The following CNTNAP2 variants were observed in gnomAD, a reference collection of about 807,000 sequenced individuals.
CNTNAP2 encodes contactin associated protein 2.
A neutral mutation model predicts 155.2 loss-of-function variants in CNTNAP2; 98 were observed. The observed-to-expected ratio is 0.63, with a 90% CI of 0.54 to 0.75. The LOEUF (loss-of-function observed/expected upper bound fraction) is 0.75. Ranked by LOEUF, CNTNAP2 falls within the 30% of genes least tolerant of loss-of-function variation. The pLI, the probability that CNTNAP2 is intolerant of heterozygous loss-of-function variation, is 0.00. For missense variants in CNTNAP2, 1,727 were observed against 1,688.1 expected (o/e 1.02, Z -0.40); for synonymous variants, 651 against 631.2 (o/e 1.03, Z -0.47).
chr7:147,976,100 A>G (rs1421960265), intron 14 of CNTNAP2, among the ~76,000 whole-genome samples: 1 of 152,146 alleles, frequency 6.6e-6, no homozygotes, highest in Non-Finnish European at 1.5e-5. Context: ...ATATTTTTTC[A>G]TCTTTTTTAA....
At chr7:147,319,122 A>T (rs1298625802) in intron 9 of CNTNAP2, among the ~76,000 whole-genome samples, 1 of 152,078 alleles carries the variant, frequency 6.6e-6, no homozygotes, top group African/African-American at 2.4e-5. Context: ...CTTTTTTGTC[A>T]TTGGTGAGTG....
intron 8 of CNTNAP2, among the ~76,000 whole-genome samples, chr7:147,282,106 C>T (rs535967027): frequency 6.6e-6 from 1 of 151,862 alleles, no homozygotes; most frequent in Admixed American, 6.6e-5. Flanking sequence ...AAATTCTGTG[C>T]CTTCTTAGTC....
intron 1 of CNTNAP2, among the ~76,000 whole-genome samples, chr7:146,412,896 A>T (rs1181942168): frequency 2.6e-5 from 4 of 152,140 alleles, no homozygotes; most frequent in Non-Finnish European, 5.9e-5. Context: ...CTTCCCTTTT[A>T]TCTGTGCCTC....
intron 13 of CNTNAP2, among the ~76,000 whole-genome samples, chr7:147,782,781 C>A (rs372178997): frequency 1.3e-5 from 2 of 152,124 alleles, no homozygotes; most frequent in Admixed American, 6.5e-5. Flanking sequence ...GCTCCACCCG[C>A]TAATTTTACT....
intron 20 of CNTNAP2, among the ~76,000 whole-genome samples, chr7:148,259,613 C>G (rs1796520018): frequency 6.6e-6 from 1 of 152,162 alleles, no homozygotes; most frequent in Admixed American, 6.5e-5. Context: ...GGGCCCGGCC[C>G]CTCCACCGGT....
chr7:147,780,863 C>CAA (rs1244493563), intron 13 of CNTNAP2, among the ~76,000 whole-genome samples: 1 of 152,188 alleles, frequency 6.6e-6, no homozygotes, highest in Non-Finnish European at 1.5e-5. Context: ...AAGACTTAGC[C>CAA]AGGAAGGGAG....
chr7:146,473,190 A>G (rs1481248139), intron 1 of CNTNAP2, among the ~76,000 whole-genome samples: 1 of 152,060 alleles, frequency 6.6e-6, no homozygotes, highest in African/African-American at 2.4e-5. Flanking sequence ...GGTCAGGGAA[A>G]GAAAAGGCTT....
intron 1 of CNTNAP2, among the ~76,000 whole-genome samples, chr7:146,698,081 T>C (rs1800812414): frequency 6.6e-6 from 1 of 152,156 alleles, no homozygotes; most frequent in Non-Finnish European, 1.5e-5. Context: ...TACATTAACG[T>C]ATTCCCAATT....
intron 8 of CNTNAP2, among the ~76,000 whole-genome samples, chr7:147,222,017 G>T (rs1221511945): frequency 2.0e-5 from 3 of 152,050 alleles, no homozygotes; most frequent in African/African-American, 4.8e-5. Context: ...CTTCTTTCAG[G>T]ATTTTTTCTT....
At chr7:147,645,540 A>T (rs1381138369) in intron 13 of CNTNAP2, among the ~76,000 whole-genome samples, 1 of 152,246 alleles carries the variant, frequency 6.6e-6, no homozygotes, top group African/African-American at 2.4e-5. Context: ...TGTATCGAGT[A>T]ATGTTTCATA....
At chr7:147,829,157 AT>A (rs913117999) in intron 13 of CNTNAP2, among the ~76,000 whole-genome samples, 20 of 152,126 alleles carry the variant, frequency 1.3e-4, no homozygotes, top group Admixed American at 9.8e-4. Flanking sequence ...CATAATGCAG[AT>A]TTTTTTTCAG....
chr7:147,730,298 A>T (rs1271069592), intron 13 of CNTNAP2, among the ~76,000 whole-genome samples: 1 of 152,120 alleles, frequency 6.6e-6, no homozygotes, highest in Non-Finnish European at 1.5e-5. Flanking sequence ...CAGATACTGC[A>T]CTTTTCACAA....
At chr7:147,569,742 A>G (rs543460563) in intron 12 of CNTNAP2, among the ~76,000 whole-genome samples, 6 of 152,308 alleles carry the variant, frequency 3.9e-5, no homozygotes, top group African/African-American at 1.4e-4. Context: ...TAAGTGACAC[A>G]TGACTGTACT....
intron 3 of CNTNAP2, among the ~76,000 whole-genome samples, chr7:146,878,367 C>G (rs559445417): frequency 1.8e-4 from 27 of 150,630 alleles, no homozygotes; most frequent in Admixed American, 5.3e-4. Flanking sequence ...CTTCATTTTG[C>G]TAGTCACTTA....
intron 3 of CNTNAP2, among the ~76,000 whole-genome samples, chr7:146,854,613 T>G (rs2129203773): frequency 6.6e-6 from 1 of 152,290 alleles, no homozygotes; most frequent in East Asian, 1.9e-4. Context: ...TATGTTACTC[T>G]TTATGTAAAT....
Position 146,121,086 on chromosome 7 carries a change from TACTCAAATG to T in CNTNAP2, c.97+4114_97+4122del, listed in dbSNP as rs1312833684. 5.8e-4 allele frequency among the ~76,000 whole-genome samples: 87 copies of T among 150,706 alleles called. 1 individual carries two copies. The highest frequency in any genetic ancestry group is 1.0e-3 in the South Asian group (5 of 4,770). ...TAGTAAATTCTTCTAGACAAAAACT[TACTCAAATG>T]TCTTAAAGTTTACATAAAGCTTCCT... On this transcript the variant is annotated intron_variant, in intron 1 of 23. Coordinates refer to ENST00000361727, the MANE Select transcript of CNTNAP2 (RefSeq NM_014141.6).
intron 3 of CNTNAP2, among the ~76,000 whole-genome samples, chr7:146,861,638 CTATCAT>C (rs1795103316): frequency 6.6e-6 from 1 of 152,034 alleles, no homozygotes; most frequent in African/African-American, 2.4e-5. Flanking sequence ...AATTTAAAAA[CTATCAT>C]TATAAAAAAT....
chr7:148,083,155 A>G (rs1803648569), intron 15 of CNTNAP2, among the ~76,000 whole-genome samples: 1 of 152,312 alleles, frequency 6.6e-6, no homozygotes, highest in Non-Finnish European at 1.5e-5. Context: ...CAGCAGATTT[A>G]TCCCATTGCT....
At chr7:147,179,769 A>G (rs551218116) in intron 8 of CNTNAP2, among the ~76,000 whole-genome samples, 2 of 152,336 alleles carry the variant, frequency 1.3e-5, no homozygotes, top group Admixed American at 1.3e-4. Flanking sequence ...GGAAAACTCC[A>G]GTGGTTTTGG....
Sources: gnomAD v4.1 joint callset for allele counts (sites outside exome capture counted in the v4.1 genomes callset) on GRCh38, gnomAD v4.1.1 for gene constraint, MANE v1.5 for transcripts, NCBI Gene and HGNC (gene_info 2026-07-23, HGNC 2026-07-21) for gene names.